The following NOTCH1 variants were observed in gnomAD, a reference collection of about 807,000 sequenced individuals.
NOTCH1 encodes the protein neurogenic locus notch homolog protein 1.
NOTCH1 carries 37 observed loss-of-function variants against 254.8 expected under a neutral mutation model. The ratio of observed to expected loss-of-function variants is 0.15; its 90% confidence interval spans 0.11 to 0.19. The LOEUF (loss-of-function observed/expected upper bound fraction) is 0.19, where lower values mean the gene tolerates loss of function less well. Among genes scored for constraint, NOTCH1 ranks in the 10% least tolerant of loss-of-function variants. The pLI is 1.00. For missense variants in NOTCH1, 2,972 were observed against 3,708.6 expected, an observed-to-expected ratio of 0.80 and a Z score of 5.16; for synonymous variants, 1,731 against 1,618.1, an observed-to-expected ratio of 1.07 and a Z score of -1.68.
intron 20 of NOTCH1, 31 bp from the exon 21 acceptor site, chr9:136,508,170 G>C (rs750402902): frequency 6.2e-7 from 1 of 1,608,322 alleles, no homozygotes; most frequent in Non-Finnish European, 8.5e-7. Flanking sequence ...GACAGGTGAG[G>C]CCCAGGCCCA....
chr9:136,523,691 C>A (rs1229821270), intron 3 of NOTCH1, 26 bp downstream of exon 3: 1 of 1,585,828 alleles, frequency 6.3e-7, no homozygotes, highest in Non-Finnish European at 8.6e-7. Context: ...GTCTGCCCAC[C>A]CCTCAGGCTG....
In NOTCH1 at chr9:136,513,108, C is replaced by T. The variant is rs1554729113; in HGVS notation, c.2380G>A (p.Glu794Lys). The change falls in exon 15 of 34, where the codon GAG becomes AAG. Residue 794 changes from glutamate to lysine, a missense_variant. By Grantham distance (56) the Glu-to-Lys change is moderately conservative (BLOSUM62 1). This residue lies in a region of NOTCH1 where 1,343 missense variants were observed against 1,557.0 expected (regional missense o/e 0.86). Transcript: ENST00000651671. The surrounding 1 kb of genome is among the most constrained non-coding windows in gnomAD (Gnocchi z 4.7). ...SGPNCQTNIN[E>K]CASNPCLNQG... ...TTCAGACATGGGTTGGACGCACACTCGTTGATGTTGGTCTGGCAGTTGGGA... is the reference window on the plus strand; with the variant it reads ...TTCAGACATGGGTTGGACGCACACTTGTTGATGTTGGTCTGGCAGTTGGGA... 7 of 1,612,906 alleles carry T rather than the reference C, an allele frequency of 4.3e-6. No individual in the cohort carries two copies. The highest frequency in any genetic ancestry group is 3.3e-5 in the Admixed American group (2 of 60,010).
rs948647691 is a variant in NOTCH1 at position 136,513,060 on chromosome 9, C to T, written c.2428G>A (p.Val810Ile). ...AGGCAGTTGCACTTGTACCCGGCAACGTCGTCAATACACGTGCCCTGGTTC... is the reference window on the plus strand; with the variant it reads ...AGGCAGTTGCACTTGTACCCGGCAATGTCGTCAATACACGTGCCCTGGTTC... The part of the protein sequence containing the change: ...CLNQGTCIDD[V>I]AGYKCNCLLP... The change falls in exon 15 of 34, where the codon GTT becomes ATT. Residue 810 changes from valine (V) to isoleucine (I), a missense_variant. This residue lies in a region of NOTCH1 where 1,343 missense variants were observed against 1,557.0 expected (regional missense o/e 0.86). Coordinates refer to ENST00000651671, the MANE Select transcript of NOTCH1 (RefSeq NM_017617.5). The surrounding 1 kb of genome is among the most constrained non-coding windows in gnomAD (Gnocchi z 4.7). The T allele has an allele frequency of 8.1e-6, 13 of 1,600,006 alleles. No homozygotes were observed. The highest frequency in any genetic ancestry group is 1.0e-5 in the Non-Finnish European group (12 of 1,172,914).
In NOTCH1 at chr9:136,506,697, G is replaced by T; in HGVS notation, c.3901+19C>A. 1.3e-6 allele frequency: 2 copies of T among 1,595,926 alleles called. No individual in the cohort carries two copies. The highest frequency in any genetic ancestry group is 8.5e-7 in the Non-Finnish European group (1 of 1,172,050). Reference sequence around the variant, plus strand: ...CCCTGCTGCCCCACACGCCCCACCCGCCTGGGCGCGGCACCCACCGGTGTG... The same window carrying T: ...CCCTGCTGCCCCACACGCCCCACCCTCCTGGGCGCGGCACCCACCGGTGTG... On this transcript the variant is annotated intron_variant, in intron 23 of 33. Coordinates refer to ENST00000651671, the MANE Select transcript of NOTCH1 (RefSeq NM_017617.5). The surrounding 1 kb of genome is among the most constrained non-coding windows in gnomAD (Gnocchi z 4.5).
chr9:136,523,234 C>G (rs1223449145), intron 3 of NOTCH1, 46 bp from the exon 4 acceptor site: 1 of 1,537,664 alleles, frequency 6.5e-7, no homozygotes. Flanking sequence ...CACTGCTCCC[C>G]GAGGCCGGGC....
intron 2 of NOTCH1, among the ~76,000 whole-genome samples, chr9:136,539,856 C>A (rs550649561): frequency 5.7e-4 from 86 of 152,146 alleles, no homozygotes; most frequent in African/African-American, 2.0e-3. Context: ...CCCTCCCCAG[C>A]CTCCCAGGCC....
In NOTCH1 at chr9:136,502,496, C is replaced by A. The variant is rs781506247; in HGVS notation, c.5168-8G>T. On this transcript the variant is annotated splice_region_variant and splice_polypyrimidine_tract_variant and intron_variant, in intron 27 of 33. Transcript: ENST00000651671. Reference sequence around the variant, plus strand: ...GCGGCTCCACGGTCTCACCTGCGGGCACGGGGGCCAGGGGCAGGTGCCCGG... The same window carrying A: ...GCGGCTCCACGGTCTCACCTGCGGGAACGGGGGCCAGGGGCAGGTGCCCGG... 6.6e-7 allele frequency: 1 copy of A among 1,514,888 alleles called. No individual in the cohort carries two copies. Among genetic ancestry groups the A allele is most frequent in the Non-Finnish European group, 8.8e-7 (1 of 1,133,490 alleles). 93.8% of individuals were successfully genotyped at this position (1,514,888 alleles called of 1,614,324 possible).
Position 136,523,934 on chromosome 9 carries a change from C to A in NOTCH1, c.186G>T (p.Pro62=), listed in dbSNP as rs374320445. 1 of 1,587,206 alleles carries A rather than the reference C, an allele frequency of 6.3e-7. No individual in the cohort carries two copies. Among genetic ancestry groups the A allele is most frequent in the Non-Finnish European group, 8.6e-7 (1 of 1,167,118 alleles). The change falls in exon 3 of 34, where the codon CCG becomes CCT. Residue 62 remains proline, a synonymous_variant. Coordinates refer to ENST00000651671, the MANE Select transcript of NOTCH1 (RefSeq NM_017617.5). ...CGTTCTTGCAGGGGGTGCTGAGGCA[C>A]GGGTTGGGGTCCTGGCATCGCGGGC... ...FVGPRCQDPN[P]CLSTPCKNAG...
At chr9:136,509,376 G>T (rs1021471680) in intron 18 of NOTCH1, among the ~76,000 whole-genome samples, 1 of 152,208 alleles carries the variant, frequency 6.6e-6, no homozygotes, top group African/African-American at 2.4e-5. Flanking sequence ...CTGGTAACAC[G>T]GGAGGTAATT....
rs999671428 is a variant in NOTCH1, at chr9:136,540,374, G to C, written c.140+3650C>G. Among the ~76,000 whole-genome samples, 1 of 152,048 alleles carries C rather than the reference G, an allele frequency of 6.6e-6. No individual in the cohort carries two copies. Among genetic ancestry groups the C allele is most frequent in the African/African-American group, 2.4e-5 (1 of 41,384 alleles). ...TTCCCCGGAGCTGGAGCCATCCTGG[G>C]AGATGGACTTCCCCAGAGCCGGCAA... On this transcript the variant is annotated intron_variant, in intron 2 of 33. Transcript: ENST00000651671. The surrounding 1 kb of genome is among the most constrained non-coding windows in gnomAD (Gnocchi z 4.4).
chr9:136,527,490 G>A lies in NOTCH1; in HGVS notation c.141-3511C>T, dbSNP rs114084896. ...ACGGGGATCCTCAGGGCTTCCATGA[G>A]TGACCCGCACCCCACCTTCCACCGT... is the stretch of plus-strand genomic sequence containing the variant. On this transcript the variant is annotated intron_variant, in intron 2 of 33. Coordinates refer to ENST00000651671, the MANE Select transcript of NOTCH1 (RefSeq NM_017617.5). 2.7e-3 allele frequency among the ~76,000 whole-genome samples: 414 copies of A among 152,350 alleles called. 3 individuals carry two copies. The highest frequency in any genetic ancestry group is 9.4e-3 in the African/African-American group (390 of 41,578).
At position 136,501,989 on chromosome 9, in the gene NOTCH1, C is replaced by T. The variant is rs748076285; in HGVS notation, c.5472+12G>A. ...CCCGGGAGCCCAGGAGCCCGGGAGC[C>T]TCGCGACTCACCCGGAACTTCTTGG... On this transcript the variant is annotated intron_variant, in intron 29 of 33. Coordinates refer to ENST00000651671, the MANE Select transcript of NOTCH1 (RefSeq NM_017617.5). 1 of 1,612,568 alleles carries T rather than the reference C, an allele frequency of 6.2e-7. No homozygotes were observed. The highest frequency in any genetic ancestry group is 2.2e-5 in the East Asian group (1 of 44,852).
rs184114574 is a variant in NOTCH1 at position 136,528,742 on chromosome 9, T to G, written c.141-4763A>C. On this transcript the variant is annotated intron_variant, in intron 2 of 33. Coordinates refer to ENST00000651671, the MANE Select transcript of NOTCH1 (RefSeq NM_017617.5). ...GCCACAGGTCCAGCCCCACCTGCCC[T>G]CCTTGGGCCTCACTGCCAATCCCGG... 2.9e-3 allele frequency among the ~76,000 whole-genome samples: 448 copies of G among 152,060 alleles called. 2 individuals are homozygous for G. The highest frequency in any genetic ancestry group is 9.6e-3 in the African/African-American group (396 of 41,452).
intron 2 of NOTCH1, among the ~76,000 whole-genome samples, chr9:136,528,418 G>A (rs1378753609): frequency 3.8e-4 from 2 of 5,254 alleles, no homozygotes; most frequent in African/African-American, 7.6e-4. Flanking sequence ...GGGACAGTGC[G>A]GGGGGGATGG....
At chr9:136,518,444 C>CGG in intron 6 of NOTCH1, 147 bp downstream of exon 6, 5 of 1,150,236 alleles carry the variant, frequency 4.3e-6, no homozygotes, top group Non-Finnish European at 3.8e-6. Flanking sequence ...TTCCGGGGGA[C>CGG]TCACAGCGAC....
intron 18 of NOTCH1, among the ~76,000 whole-genome samples, 169 bp from the exon 19 acceptor site, chr9:136,509,240 G>C (rs955895819): frequency 2.0e-5 from 3 of 152,200 alleles, no homozygotes; most frequent in Non-Finnish European, 4.4e-5. Context: ...GGAACCCGGG[G>C]CCCGGCTCTC....
chr9:136,499,403 G>T, intron 31 of NOTCH1, 144 bp from the exon 32 acceptor site: 1 of 1,241,992 alleles, frequency 8.1e-7, no homozygotes, highest in Non-Finnish European at 1.1e-6. Flanking sequence ...CGGGCAAGAC[G>T]AAACGCCATG....
intron 2 of NOTCH1, among the ~76,000 whole-genome samples, chr9:136,525,336 C>G (rs1290830357): frequency 6.6e-6 from 1 of 152,240 alleles, no homozygotes; most frequent in Admixed American, 6.5e-5. Flanking sequence ...CTGCCCCCCC[C>G]AGCCACCTGC....
intron 7 of NOTCH1, 51 bp from the exon 8 acceptor site, chr9:136,517,988 A>G (rs757702096): frequency 6.3e-7 from 1 of 1,596,790 alleles, no homozygotes; most frequent in Non-Finnish European, 8.5e-7. Flanking sequence ...TGGCCCCTGC[A>G]ACACCTCACT....
Sources: gnomAD v4.1 joint callset for allele counts (sites outside exome capture counted in the v4.1 genomes callset) on GRCh38, gnomAD v4.1.1 for gene constraint, gnomAD v4.1.1 regional missense constraint, Gnocchi (gnomAD v3.1) non-coding constraint, MANE v1.5 for transcripts, NCBI Gene and HGNC (gene_info 2026-07-23, HGNC 2026-07-21) for gene names.